The following CALCOCO2 variants were observed in gnomAD, a reference collection of about 807,000 sequenced individuals.
CALCOCO2 encodes the protein calcium-binding and coiled-coil domain-containing protein 2.
Under a neutral mutation model 62.5 loss-of-function variants are expected in CALCOCO2, and 42 were observed. The observed-to-expected ratio is 0.67, with a 90% CI of 0.53 to 0.87. The LOEUF is 0.87. Among genes scored for constraint, CALCOCO2 ranks in the 40% least tolerant of loss-of-function variants. The probability of loss-of-function intolerance (pLI) is 0.00; values close to 1 mark genes in which losing one functional copy is unlikely to be tolerated. For synonymous variants in CALCOCO2, 167 were observed against 173.0 expected (o/e 0.97, Z 0.27); for missense variants, 456 against 515.0 (o/e 0.89, Z 1.11).
chr17:48,847,495 T>G (rs1189230349), intron 2 of CALCOCO2, among the ~76,000 whole-genome samples: 8 of 152,156 alleles, frequency 5.3e-5, no homozygotes, highest in Admixed American at 3.9e-4. Context: ...CAAATCCTTC[T>G]AAGACTTGTA....
rs1008800255 is a variant in CALCOCO2 at position 48,860,240 on chromosome 17, G to A, written c.1009-74G>A. ...GCTAATTGAGAACTACCTGGGAGGG[G>A]CATCTCCTAGCCAGTTCCTGGTGGC... is the stretch of plus-strand genomic sequence containing the variant. On this transcript the variant is annotated intron_variant, in intron 10 of 12. Coordinates refer to ENST00000258947, the MANE Select transcript of CALCOCO2 (RefSeq NM_005831.5). The A allele has an allele frequency of 8.4e-6, 10 of 1,188,100 alleles. No individual in the cohort carries two copies. The African/African-American group carries it at 1.2e-4, about 14-fold the overall frequency. The allele number at this position is 1,188,100 out of a possible 1,614,324, so 73.6% of individuals were successfully genotyped here. A position where few individuals can be genotyped will look rare whatever the true frequency, so the allele number is the denominator to read the frequency against.
chr17:48,840,265 G>A (rs1478152231), intron 1 of CALCOCO2, among the ~76,000 whole-genome samples: 1 of 152,010 alleles, frequency 6.6e-6, no homozygotes, highest in Non-Finnish European at 1.5e-5. Flanking sequence ...GAGTAGCTGG[G>A]ACTGCAGGTG....
At chr17:48,848,506 A>G (rs1439307656) in intron 4 of CALCOCO2, 51 bp downstream of exon 4, 12 of 1,533,676 alleles carry the variant, frequency 7.8e-6, no homozygotes, top group Non-Finnish European at 1.1e-5. Context: ...GGGTAGCAAT[A>G]TAGGATAGGA....
chr17:48,843,877 TA>T (rs1356470493), intron 2 of CALCOCO2: 1 of 152,198 alleles, frequency 6.6e-6, no homozygotes, highest in Non-Finnish European at 1.5e-5. Flanking sequence ...TAACTGGATT[TA>T]ATTTAATTTA....
At chr17:48,851,499 G>T in intron 6 of CALCOCO2, 60 bp from the exon 7 acceptor site, 2 of 962,830 alleles carry the variant, frequency 2.1e-6, no homozygotes. Flanking sequence ...ATCACTTAAG[G>T]CCAGGGGTAG....
At chr17:48,851,284 C>T (rs2040126221) in intron 6 of CALCOCO2, 107 bp downstream of exon 6, 1 of 727,754 alleles carries the variant, frequency 1.4e-6, no homozygotes, top group East Asian at 2.5e-5. Flanking sequence ...ACTGTTATGA[C>T]ATTGATGATG....
chr17:48,862,171 G>A, intron 11 of CALCOCO2, 105 bp from the exon 12 acceptor site: 1 of 807,842 alleles, frequency 1.2e-6, no homozygotes, highest in Non-Finnish European at 2.2e-6. Context: ...AGGCATTGAG[G>A]AGAAAGGGAA....
At chr17:48,831,135 T>G (rs1005680648) in intron 1 of CALCOCO2, 57 bp downstream of exon 1, 1 of 152,478 alleles carries the variant, frequency 6.6e-6, no homozygotes, top group Non-Finnish European at 1.5e-5. Context: ...ACATTCAGAC[T>G]TGCAGTCCTG....
intron 7 of CALCOCO2, 141 bp from the exon 8 acceptor site, chr17:48,852,365 G>GT: frequency 1.5e-6 from 1 of 667,408 alleles, no homozygotes. Context: ...GCTTTAAAGA[G>GT]TGATTTGTCT....
rs183847952 is a variant in CALCOCO2 at position 48,835,280 on chromosome 17, C to G, written c.-11+4202C>G. On this transcript the variant is annotated intron_variant, in intron 1 of 12. Transcript: ENST00000258947. ...TCCTCACTGACCAAGTTCGGGTTGG[C>G]ATGGTTATGTTCTAGTTTACTCATG... Among the ~76,000 whole-genome samples the G allele has an allele frequency of 7.2e-5, 11 of 152,256 alleles. No individual in the cohort carries two copies. The East Asian group carries it at 2.1e-3, about 29-fold the overall frequency.
intron 11 of CALCOCO2, among the ~76,000 whole-genome samples, chr17:48,861,641 A>G (rs199513150): frequency 9.3e-4 from 17 of 18,208 alleles, no homozygotes; most frequent in South Asian, 3.4e-3. Flanking sequence ...ATATATATGT[A>G]TATATATATA....
chr17:48,862,745 G>A, intron 12 of CALCOCO2, 93 bp from the exon 13 acceptor site: 1 of 973,858 alleles, frequency 1.0e-6, no homozygotes, highest in Non-Finnish European at 1.6e-6. Flanking sequence ...CAGTCATTAT[G>A]CTAGGCACTG....
intron 5 of CALCOCO2, 99 bp downstream of exon 5, chr17:48,849,476 T>A (rs2040097616): frequency 1.0e-6 from 1 of 967,792 alleles, no homozygotes; most frequent in African/African-American, 1.6e-5. Flanking sequence ...TGATCTCACC[T>A]TCTTATACCA....
In CALCOCO2 at chr17:48,849,278, C is replaced by CA; in HGVS notation, c.446dup (p.Asn149LysfsTer28). 1 of 1,613,672 alleles carries CA rather than the reference C, an allele frequency of 6.2e-7. No individual in the cohort carries two copies. The highest frequency in any genetic ancestry group is 1.1e-5 in the South Asian group (1 of 91,076). ...GAGAGGTGGAAGAGATTGAGCAGCA[C>CA]AACAAGGAGCTTTGCAAAGAAAACC... is the stretch of plus-strand genomic sequence containing the variant. On this transcript the variant is annotated frameshift_variant, in exon 5 of 13. Transcript: ENST00000258947. LOFTEE classifies it high-confidence loss of function.
At position 48,852,466 on chromosome 17, in the gene CALCOCO2, T is replaced by G. The variant is rs559144113; in HGVS notation, c.703-40T>G. 1.9e-6 allele frequency: 3 copies of G among 1,581,704 alleles called. No individual in the cohort carries two copies. The Admixed American group carries it at 5.5e-5, about 29-fold the overall frequency. On this transcript the variant is annotated intron_variant, in intron 7 of 12. Coordinates refer to ENST00000258947, the MANE Select transcript of CALCOCO2 (RefSeq NM_005831.5). Reference sequence around the variant, plus strand: ...AAGCATTGTTCCTGTTTTGTTTTCCTTCTTTTATATCTTGGTTATGTTCAC... The same window carrying G: ...AAGCATTGTTCCTGTTTTGTTTTCCGTCTTTTATATCTTGGTTATGTTCAC...
intron 10 of CALCOCO2, among the ~76,000 whole-genome samples, chr17:48,858,071 G>GAATAGAATAGGATAGAATAGAATAC (rs1311782459): frequency 6.9e-6 from 1 of 144,826 alleles, no homozygotes; most frequent in African/African-American, 2.5e-5. Context: ...GAATAGAATA[G>GAATAGAATAGGATAGAATAGAATAC]AATTTTACCA....
intron 5 of CALCOCO2, among the ~76,000 whole-genome samples, chr17:48,850,260 C>T (rs2040109364): frequency 6.6e-6 from 1 of 152,058 alleles, no homozygotes; most frequent in African/African-American, 2.4e-5. Context: ...GATCACACCC[C>T]TGCACTCTAG....
At chr17:48,846,567 C>T (rs2040056423) in intron 2 of CALCOCO2, 1 of 787,374 alleles carries the variant, frequency 1.3e-6, no homozygotes, top group Admixed American at 2.2e-5. Flanking sequence ...TTAGGCCTTC[C>T]CAATGATATT....
In CALCOCO2 at chr17:48,863,124, C is replaced by G; in HGVS notation, c.*119C>G. 1.3e-6 allele frequency: 1 copy of G among 762,868 alleles called. No individual in the cohort carries two copies. Among genetic ancestry groups the G allele is most frequent in the Non-Finnish European group, 2.3e-6 (1 of 439,316 alleles). The allele number at this position is 762,868 out of a possible 1,614,324, so 47.3% of individuals were successfully genotyped here. A position where few individuals can be genotyped will look rare whatever the true frequency, so the allele number is the denominator to read the frequency against. On this transcript the variant is annotated 3_prime_UTR_variant, in exon 13 of 13. Coordinates refer to ENST00000258947, the MANE Select transcript of CALCOCO2 (RefSeq NM_005831.5). ...GAAATTATTAGGGATTTACTCAGCCCTGCTGCCGCTAACAGTGGAGTTATG... is the reference window on the plus strand; with the variant it reads ...GAAATTATTAGGGATTTACTCAGCCGTGCTGCCGCTAACAGTGGAGTTATG...
Sources: gnomAD v4.1 joint callset for allele counts (sites outside exome capture counted in the v4.1 genomes callset) on GRCh38, gnomAD v4.1.1 for gene constraint, MANE v1.5 for transcripts, NCBI Gene and HGNC (gene_info 2026-07-23, HGNC 2026-07-21) for gene names.